The following HMGCLL1 variants were observed in gnomAD, a reference collection of about 807,000 sequenced individuals.
HMGCLL1 encodes the protein 3-hydroxy-3-methylglutaryl-CoA lyase like 1, also known as 3-hydroxymethyl-3-methylglutaryl-CoA lyase, cytoplasmic.
A neutral mutation model predicts 39.1 loss-of-function variants in HMGCLL1; 36 were observed. That is an observed-to-expected ratio of 0.92 (90% CI 0.71 to 1.22). The LOEUF is 1.22. Ranked by LOEUF, HMGCLL1 falls within the 50% of genes most tolerant of loss-of-function variation. The pLI is 0.00. For missense variants in HMGCLL1, 451 were observed against 416.5 expected, an observed-to-expected ratio of 1.08 and a Z score of -0.72; for synonymous variants, 149 against 144.0, an observed-to-expected ratio of 1.03 and a Z score of -0.25.
chr6:55,667,073 A>G, the HMGCLL1 span, among the ~76,000 whole-genome samples: 1 of 151,666 alleles, frequency 6.6e-6, no homozygotes, highest in Non-Finnish European at 1.5e-5. Flanking sequence ...GAAAAGAAGC[A>G]TAAGTGGGTT....
chr6:55,631,094 T>A, the HMGCLL1 span, among the ~76,000 whole-genome samples: 3 of 152,118 alleles, frequency 2.0e-5, no homozygotes, highest in African/African-American at 7.2e-5. Flanking sequence ...GAATCATTAA[T>A]ACCTCTCTCT....
chr6:55,469,721 A>G (rs1353412772), intron 7 of HMGCLL1, among the ~76,000 whole-genome samples: 1 of 151,786 alleles, frequency 6.6e-6, no homozygotes, highest in East Asian at 1.9e-4. Flanking sequence ...ACTCAAGTGT[A>G]AACAAAGAAT....
chr6:55,650,133 A>ATATATATATATATATATATATATATATAT, the HMGCLL1 span, among the ~76,000 whole-genome samples: 1 of 67,260 alleles, frequency 1.5e-5, no homozygotes, highest in Admixed American at 1.7e-4. Flanking sequence ...ATATATATAT[A>ATATATATATATATATATATATATATATAT]TACACACACA....
intron 1 of HMGCLL1, among the ~76,000 whole-genome samples, chr6:55,568,340 C>T (rs1418120459): frequency 6.6e-6 from 1 of 152,102 alleles, no homozygotes; most frequent in Admixed American, 6.6e-5. Context: ...AATGATTAGG[C>T]TCCACCCTGC....
chr6:55,515,776 A>G (rs1302760407), intron 4 of HMGCLL1, among the ~76,000 whole-genome samples: 1 of 152,184 alleles, frequency 6.6e-6, no homozygotes, highest in Non-Finnish European at 1.5e-5. Flanking sequence ...CAAACCCAAG[A>G]GAAAAATAAA....
At chr6:55,577,757 C>T (rs534391183) in intron 1 of HMGCLL1, among the ~76,000 whole-genome samples, 75 of 152,014 alleles carry the variant, frequency 4.9e-4, no homozygotes, top group Non-Finnish European at 1.0e-3. Context: ...AAGTCAAGAA[C>T]ATTAAGATAA....
intron 7 of HMGCLL1, among the ~76,000 whole-genome samples, chr6:55,486,067 G>A (rs762679103): frequency 2.7e-5 from 4 of 148,268 alleles, no homozygotes; most frequent in African/African-American, 9.9e-5. Flanking sequence ...AGGCTATGTC[G>A]GTGTATACAC....
chr6:55,558,070 G>A (rs1429328793), intron 1 of HMGCLL1, among the ~76,000 whole-genome samples: 3 of 152,138 alleles, frequency 2.0e-5, no homozygotes, highest in African/African-American at 4.8e-5. Flanking sequence ...GGAAAGGTCC[G>A]CAAAATGATT....
rs756567251 is a variant in HMGCLL1 at position 55,499,259 on chromosome 6, TA to T, written c.582del (p.Ser194ArgfsTer7). ...ACTTCTGTCACTTTTTGCGGTGTAATACTTCCTTCATATGGACAGCCCAGAG... is the reference window on the plus strand; with the variant it reads ...ACTTCTGTCACTTTTTGCGGTGTAATCTTCCTTCATATGGACAGCCCAGAG... ...SCALGCPYEG[S>X]ITPQKVTEVS... On this transcript the variant is annotated frameshift_variant, in exon 6 of 9. Transcript: ENST00000274901. LOFTEE classifies it high-confidence loss of function. 1.4e-5 allele frequency: 23 copies of T among 1,610,796 alleles called. No individual in the cohort carries two copies. Among genetic ancestry groups the T allele is most frequent in the Non-Finnish European group, 2.0e-5 (23 of 1,178,284 alleles).
At chr6:55,473,867 A>G (rs1765160571) in intron 7 of HMGCLL1, among the ~76,000 whole-genome samples, 1 of 151,454 alleles carries the variant, frequency 6.6e-6, no homozygotes, top group African/African-American at 2.4e-5. Context: ...GAGTAATTTT[A>G]TTGAACATAG....
chr6:55,643,290 C>G, the HMGCLL1 span, among the ~76,000 whole-genome samples: 1 of 152,006 alleles, frequency 6.6e-6, no homozygotes, highest in Non-Finnish European at 1.5e-5. Context: ...TCTCCGCAAC[C>G]TTGTCAACAT....
intron 1 of HMGCLL1, among the ~76,000 whole-genome samples, chr6:55,548,376 A>G (rs1042198317): frequency 1.3e-5 from 2 of 152,048 alleles, no homozygotes; most frequent in African/African-American, 4.8e-5. Flanking sequence ...GACATACAGC[A>G]TAAATAAATA....
the HMGCLL1 span, among the ~76,000 whole-genome samples, chr6:55,639,809 T>A: frequency 6.6e-6 from 1 of 152,090 alleles, no homozygotes; most frequent in Non-Finnish European, 1.5e-5. Context: ...CCAGGCACAG[T>A]GGCTCACACC....
chr6:55,630,088 T>C, the HMGCLL1 span, among the ~76,000 whole-genome samples: 1 of 152,108 alleles, frequency 6.6e-6, no homozygotes. Flanking sequence ...ACTTGCACCA[T>C]GCACCTGGAA....
At chr6:55,536,874 T>C (rs1259057653) in intron 3 of HMGCLL1, among the ~76,000 whole-genome samples, 3 of 151,944 alleles carry the variant, frequency 2.0e-5, no homozygotes, top group South Asian at 2.1e-4. Context: ...AAAAAAGAAA[T>C]AAGTGATCAA....
At chr6:55,567,046 T>C (rs998922161) in intron 1 of HMGCLL1, among the ~76,000 whole-genome samples, 2 of 152,066 alleles carry the variant, frequency 1.3e-5, no homozygotes, top group South Asian at 2.1e-4. Flanking sequence ...AAATAAAATA[T>C]AGCCACATCC....
chr6:55,606,384 T>A, the HMGCLL1 span, among the ~76,000 whole-genome samples: 1 of 152,052 alleles, frequency 6.6e-6, no homozygotes, highest in African/African-American at 2.4e-5. Flanking sequence ...CAACCAGACT[T>A]TTAGAAAAAA....
chr6:55,502,293 C>G (rs1766929981), intron 5 of HMGCLL1, among the ~76,000 whole-genome samples: 2 of 151,582 alleles, frequency 1.3e-5, no homozygotes, highest in East Asian at 3.9e-4. Flanking sequence ...ATTTTTTTCT[C>G]TACTGTTCTA....
chr6:55,649,221 T>C, the HMGCLL1 span, among the ~76,000 whole-genome samples: 1 of 152,124 alleles, frequency 6.6e-6, no homozygotes, highest in Non-Finnish European at 1.5e-5. Context: ...TAACATTCTT[T>C]TCTTTCAGAT....
Sources: allele counts gnomAD v4.1 joint callset (sites outside exome capture counted in the v4.1 genomes callset), GRCh38; gene constraint gnomAD v4.1.1; transcripts MANE v1.5; gene names NCBI Gene and HGNC (gene_info 2026-07-23, HGNC 2026-07-21).